Variants in OXR1 observed in about 807,000 individuals in gnomAD.
The protein encoded by OXR1 is oxidation resistance 1.
In OXR1, 41 loss-of-function variants were observed where a neutral mutation model predicts 104.6. The observed-to-expected ratio is 0.39, with a 90% CI of 0.31 to 0.51. The LOEUF is 0.51. Ranked by LOEUF, OXR1 falls within the 20% of genes least tolerant of loss-of-function variation. The pLI is 0.77. For synonymous variants in OXR1, 348 were observed against 348.4 expected, an observed-to-expected ratio of 1.00 and a Z score of 0.01; for missense variants, 955 against 1,031.9, an observed-to-expected ratio of 0.93 and a Z score of 1.02.
intron 2 of OXR1, among the ~76,000 whole-genome samples, chr8:106,366,127 T>C (rs112594742): frequency 0.012 from 1,841 of 152,256 alleles, 34 homozygotes; most frequent in African/African-American, 0.041. Context: ...TGGGGAAAAA[T>C]ATAAACATGA....
Position 106,560,354 on chromosome 8 carries a change from G to A in OXR1, c.220+41215G>A, listed in dbSNP as rs560439379. Reference sequence around the variant, plus strand: ...GTAAGCTGGGTAGGGTTTTTCTTCTGTGCTTTTTTTGCATAAATCCACCCT... The same window carrying A: ...GTAAGCTGGGTAGGGTTTTTCTTCTATGCTTTTTTTGCATAAATCCACCCT... On this transcript the variant is annotated intron_variant, in intron 3 of 16. Coordinates refer to ENST00000517566, the MANE Select transcript of OXR1 (RefSeq NM_001198533.2). 1.1e-4 allele frequency among the ~76,000 whole-genome samples: 16 copies of A among 152,268 alleles called. No homozygotes were observed. In the East Asian group the frequency reaches 2.9e-3, roughly 28 times the overall value.
chr8:106,742,119 A>G, intron 14 of OXR1, 103 bp from the exon 15 acceptor site: 1 of 702,512 alleles, frequency 1.4e-6, no homozygotes, highest in Non-Finnish European at 2.5e-6. Context: ...AAACTATACC[A>G]GATTTCTATT....
chr8:106,704,848 A>T (rs545111222), intron 8 of OXR1, among the ~76,000 whole-genome samples: 3 of 152,258 alleles, frequency 2.0e-5, no homozygotes, highest in African/African-American at 7.2e-5. Flanking sequence ...GGATTTAAAT[A>T]TTTAAAGATA....
At chr8:106,697,442 C>A in intron 7 of OXR1, 1 of 1,547,156 alleles carries the variant, frequency 6.5e-7, no homozygotes. Flanking sequence ...TCTGGTGTGG[C>A]ATCCAGTAGC....
intron 2 of OXR1, among the ~76,000 whole-genome samples, chr8:106,423,535 A>G (rs1386624528): frequency 6.6e-6 from 1 of 152,214 alleles, no homozygotes; most frequent in Non-Finnish European, 1.5e-5. Flanking sequence ...TAATCCAAAG[A>G]TGGTTCTAAA....
chr8:106,423,339 T>A (rs994783384), intron 2 of OXR1, among the ~76,000 whole-genome samples: 1 of 152,206 alleles, frequency 6.6e-6, no homozygotes, highest in Non-Finnish European at 1.5e-5. Context: ...TCGTCAACTA[T>A]CCTTTTGACC....
At chr8:106,410,117 G>A (rs1262318985) in intron 2 of OXR1, among the ~76,000 whole-genome samples, 1 of 152,030 alleles carries the variant, frequency 6.6e-6, no homozygotes, top group Non-Finnish European at 1.5e-5. Context: ...AGGTTAGAAG[G>A]CCAAAACAAA....
In OXR1 at chr8:106,553,132, C is replaced by G. The variant is rs150383252; in HGVS notation, c.220+33993C>G. On this transcript the variant is annotated intron_variant, in intron 3 of 16. Transcript: ENST00000517566. ...TGATGAGTTAATGGGTGCAGCACAC[C>G]AGCATGGCACATGTATACATATGTA... 8.8e-4 allele frequency among the ~76,000 whole-genome samples: 133 copies of G among 151,982 alleles called. 2 individuals carry two copies. In the East Asian group the frequency reaches 0.023, roughly 26 times the overall value.
At chr8:106,304,022 AATTC>A (rs1462822291) in intron 1 of OXR1, among the ~76,000 whole-genome samples, 5 of 152,178 alleles carry the variant, frequency 3.3e-5, no homozygotes, top group Non-Finnish European at 5.9e-5. Context: ...TTCACAGGAA[AATTC>A]ATTCAATCAA....
intron 2 of OXR1, among the ~76,000 whole-genome samples, chr8:106,427,379 G>A (rs528301830): frequency 6.6e-6 from 1 of 152,132 alleles, no homozygotes; most frequent in South Asian, 2.1e-4. Context: ...ATGTTAGCCA[G>A]GATGGTCTCG....
intron 16 of OXR1, 146 bp downstream of exon 16, chr8:106,746,008 C>T (rs1207515106): frequency 5.6e-6 from 3 of 533,052 alleles, no homozygotes; most frequent in Non-Finnish European, 9.9e-6. Flanking sequence ...AATGTATTTG[C>T]AAGAAGTAGC....
intron 2 of OXR1, among the ~76,000 whole-genome samples, chr8:106,481,917 G>A (rs904200385): frequency 2.0e-5 from 3 of 151,742 alleles, no homozygotes; most frequent in Admixed American, 1.3e-4. Context: ...AATTCTCTTG[G>A]GCTTCCATGA....
intron 1 of OXR1, among the ~76,000 whole-genome samples, chr8:106,351,703 G>A (rs977536637): frequency 1.3e-5 from 2 of 152,152 alleles, no homozygotes; most frequent in African/African-American, 4.8e-5. Context: ...TTTACTGCGA[G>A]GGCAATATAG....
chr8:106,397,435 A>G (rs1409462086), intron 2 of OXR1, among the ~76,000 whole-genome samples: 1 of 152,072 alleles, frequency 6.6e-6, no homozygotes, highest in Non-Finnish European at 1.5e-5. Flanking sequence ...AAAAAGTACA[A>G]TTAACTTTTT....
chr8:106,412,019 C>T (rs924175411), intron 2 of OXR1, among the ~76,000 whole-genome samples: 4 of 152,208 alleles, frequency 2.6e-5, no homozygotes, highest in Admixed American at 2.6e-4. Context: ...AAAAGCAGAA[C>T]CTACTTCACA....
chr8:106,461,750 C>T (rs865955712), intron 2 of OXR1, among the ~76,000 whole-genome samples: 5 of 152,042 alleles, frequency 3.3e-5, no homozygotes, highest in South Asian at 2.1e-4. Context: ...TTTTGCAGAT[C>T]GGAACAGATA....
At chr8:106,296,881 T>C (rs1813021646) in intron 1 of OXR1, among the ~76,000 whole-genome samples, 1 of 152,228 alleles carries the variant, frequency 6.6e-6, no homozygotes, top group Non-Finnish European at 1.5e-5. Flanking sequence ...AATGGTCATG[T>C]ATTTATTTTG....
chr8:106,580,447 C>T (rs1272664694), intron 3 of OXR1, among the ~76,000 whole-genome samples: 1 of 151,950 alleles, frequency 6.6e-6, no homozygotes, highest in Non-Finnish European at 1.5e-5. Context: ...ACATATATAC[C>T]ACATTTGTAT....
At chr8:106,448,234 A>C (rs1027757052) in intron 2 of OXR1, among the ~76,000 whole-genome samples, 5 of 152,218 alleles carry the variant, frequency 3.3e-5, no homozygotes, top group Non-Finnish European at 7.3e-5. Flanking sequence ...GACCGTGAAC[A>C]AGGCAGACTG....
Sources: allele counts gnomAD v4.1 joint callset (sites outside exome capture counted in the v4.1 genomes callset), GRCh38; gene constraint gnomAD v4.1.1; transcripts MANE v1.5; gene names NCBI Gene and HGNC (gene_info 2026-07-23, HGNC 2026-07-21).